The following ZNF224 variants were observed in gnomAD, a reference collection of about 807,000 sequenced individuals.
The protein encoded by ZNF224 is zinc finger protein 224.
Under a neutral mutation model 10.5 loss-of-function variants are expected in ZNF224, and 8 were observed. The ratio of observed to expected loss-of-function variants is 0.76; its 90% confidence interval spans 0.45 to 1.37. The LOEUF (loss-of-function observed/expected upper bound fraction) is 1.37, where lower values mean the gene tolerates loss of function less well. ZNF224 is among the 40% of genes most tolerant of loss of function. The pLI is 0.00. For missense variants in ZNF224, 754 were observed against 854.0 expected (o/e 0.88, Z 1.46); for synonymous variants, 282 against 287.8 (o/e 0.98, Z 0.20).
Position 44,097,821 on chromosome 19 carries a change from C to G in ZNF224, c.-53C>G, listed in dbSNP as rs1020012373. The stretch of plus-strand genomic sequence containing the variant: ...CACTTTGCAGGCACAATTCTGCTTT[C>G]CCAGGAACTGCATCACTCAGGACTC... On this transcript the variant is annotated 5_prime_UTR_variant, in exon 3 of 6. Transcript: ENST00000693561. The G allele has an allele frequency of 1.2e-6, 2 of 1,606,694 alleles. No homozygotes were observed. Among genetic ancestry groups the G allele is most frequent in the African/African-American group, 2.7e-5 (2 of 74,580 alleles).
chr19:44,104,972 T>C (rs1348268762), intron 5 of ZNF224, among the ~76,000 whole-genome samples: 1 of 152,226 alleles, frequency 6.6e-6, no homozygotes, highest in Admixed American at 6.5e-5. Flanking sequence ...GAGCCCTGGT[T>C]TTACAAGTAA....
intron 3 of ZNF224, among the ~76,000 whole-genome samples, chr19:44,098,854 C>T (rs1330254856): frequency 3.3e-5 from 5 of 152,248 alleles, no homozygotes; most frequent in African/African-American, 9.6e-5. Flanking sequence ...GCTGGAATTA[C>T]AGGCGTGAGC....
At position 44,107,238 on chromosome 19, in the gene ZNF224, T is replaced by C; in HGVS notation, c.1078T>C (p.Tyr360His). 6.3e-7 allele frequency: 1 copy of C among 1,597,634 alleles called. No homozygotes were observed. Among genetic ancestry groups the C allele is most frequent in the Non-Finnish European group, 8.5e-7 (1 of 1,171,290 alleles). ...GKGFICRRDL[Y>H]THHMVHTGEK... is the part of the protein sequence containing the mutation. ...AGGCTTTATTTGTAGGCGAGATCTTTATACGCATCATATGGTCCACACGGG... is the reference window on the plus strand; with the variant it reads ...AGGCTTTATTTGTAGGCGAGATCTTCATACGCATCATATGGTCCACACGGG... The change falls in exon 6 of 6, where the codon TAT becomes CAT. Residue 360 changes from tyrosine to histidine, a missense_variant. Coordinates refer to ENST00000693561, the MANE Select transcript of ZNF224 (RefSeq NM_001321645.3).
intron 2 of ZNF224, among the ~76,000 whole-genome samples, chr19:44,097,508 C>A (rs1047454562): frequency 1.3e-5 from 2 of 152,146 alleles, no homozygotes; most frequent in Admixed American, 6.5e-5. Flanking sequence ...AATATGTGGT[C>A]TTTTTTAACT....
chr19:44,103,402 T>G (rs1380450116), intron 5 of ZNF224, among the ~76,000 whole-genome samples: 1 of 152,216 alleles, frequency 6.6e-6, no homozygotes, highest in African/African-American at 2.4e-5. Context: ...TTGTCAACAT[T>G]TTTATGATTG....
In ZNF224 at chr19:44,107,091, A is replaced by G. The variant is rs1462910374; in HGVS notation, c.931A>G (p.Thr311Ala). The G allele has an allele frequency of 2.5e-6, 4 of 1,602,352 alleles. No homozygotes were observed. The South Asian group carries it at 3.4e-5, about 13-fold the overall frequency. Residue 311 changes from threonine (T) to alanine (A), a missense_variant, in exon 6 of 6, where the codon ACG (threonine) becomes GCG (alanine). Transcript: ENST00000693561. ...SRLNRHSMVH[T>A]AEKPFRCDTC... ...ACTTAATAGGCATTCCATGGTTCAC[A>G]CGGCAGAGAAACCATTCCGATGTGA...
At chr19:44,100,747 T>C in intron 3 of ZNF224, 54 bp from the exon 4 acceptor site, 1 of 1,549,834 alleles carries the variant, frequency 6.5e-7, no homozygotes, top group Non-Finnish European at 8.8e-7. Flanking sequence ...GTGCCACCCC[T>C]CTCCCAGGAA....
intron 5 of ZNF224, chr19:44,105,233 T>G (rs989688465): frequency 6.6e-6 from 1 of 152,224 alleles, no homozygotes; most frequent in Non-Finnish European, 1.5e-5. Context: ...CTCCTAGACA[T>G]TACCTCTCAG....
intron 3 of ZNF224, among the ~76,000 whole-genome samples, chr19:44,098,374 C>T (rs931969823): frequency 2.6e-5 from 4 of 152,168 alleles, no homozygotes; most frequent in South Asian, 4.1e-4. Context: ...ATGTGTGCCA[C>T]GTTGGCTGTT....
intron 1 of ZNF224, chr19:44,096,096 A>G (rs1967430989): frequency 6.6e-6 from 1 of 152,122 alleles, no homozygotes; most frequent in African/African-American, 2.4e-5. Flanking sequence ...TATGTGTTTA[A>G]CTATGGAAAT....
Position 44,096,188 on chromosome 19 carries a change from A to G in ZNF224, c.-157-155A>G, listed in dbSNP as rs754421030. 4.5e-4 allele frequency: 69 copies of G among 152,232 alleles called. 1 individual carries two copies. Among genetic ancestry groups the G allele is most frequent in the African/African-American group, 1.6e-3 (66 of 41,544 alleles). The allele number at this position is 152,232 out of a possible 1,614,324, so 9.4% of individuals were successfully genotyped here. A position where few individuals can be genotyped will look rare whatever the true frequency, so the allele number is the denominator to read the frequency against. On this transcript the variant is annotated intron_variant, in intron 1 of 5. Transcript: ENST00000693561. ...TCTCATTATTGTTATTATTTTTCCT[A>G]TGACTGTTTCCTAAAATTATAAAAC...
Position 44,108,002 on chromosome 19 carries a change from T to G in ZNF224, c.1842T>G (p.His614Gln). ...GCTGGTCCTCAACTCGTCTGACCCATCAGAGACGCCACAGCAGAGAAACAC... is the reference window on the plus strand; with the variant it reads ...GCTGGTCCTCAACTCGTCTGACCCAGCAGAGACGCCACAGCAGAGAAACAC... ...GFSWSSTRLTHQRRHSRETPL... is the reference protein window; with the variant it reads ...GFSWSSTRLTQQRRHSRETPL... The change falls in exon 6 of 6, where the codon CAT becomes CAG. Residue 614 changes from histidine to glutamine, a missense_variant. Transcript: ENST00000693561. The G allele has an allele frequency of 6.2e-7, 1 of 1,614,140 alleles. No homozygotes were observed. The highest frequency in any genetic ancestry group is 2.2e-5 in the East Asian group (1 of 44,856).
intron 3 of ZNF224, 34 bp from the exon 4 acceptor site, chr19:44,100,767 A>G (rs1967532656): frequency 1.9e-6 from 3 of 1,604,460 alleles, no homozygotes; most frequent in Middle Eastern, 3.3e-4. Flanking sequence ...ATCATTGGTC[A>G]TGAGACTGAG....
chr19:44,104,315 T>C (rs2147530121), intron 5 of ZNF224, among the ~76,000 whole-genome samples: 1 of 152,180 alleles, frequency 6.6e-6, no homozygotes, highest in East Asian at 1.9e-4. Context: ...TTGATATTAT[T>C]GTGAAGAGTT....
chr19:44,102,162 C>G (rs933969091), intron 5 of ZNF224, among the ~76,000 whole-genome samples: 1 of 152,208 alleles, frequency 6.6e-6, no homozygotes, highest in African/African-American at 2.4e-5. Flanking sequence ...ACTTGCTCAT[C>G]TCAGTCACTG....
In ZNF224 at chr19:44,094,440, A is replaced by C. The variant is rs969327952; in HGVS notation, c.-248A>C. On this transcript the variant is annotated 5_prime_UTR_variant, in exon 1 of 6. Transcript: ENST00000693561. ...AGTTTGGGGCAGTTCCGCGCGTTGC[A>C]GGCCCTTCTGAATTTCCTGGACCTA... is the stretch of plus-strand genomic sequence containing the variant. The C allele has an allele frequency of 1.3e-5, 2 of 152,232 alleles. No homozygotes were observed. The highest frequency in any genetic ancestry group is 2.9e-5 in the Non-Finnish European group (2 of 68,104). 9.4% of individuals were successfully genotyped at this position (152,232 alleles called of 1,614,324 possible).
chr19:44,097,614 T>G, intron 2 of ZNF224, 192 bp from the exon 3 acceptor site: 1 of 440,252 alleles, frequency 2.3e-6, no homozygotes, highest in East Asian at 3.6e-5. Context: ...AAGATTCCAT[T>G]GTATGGATAG....
intron 3 of ZNF224, 28 bp downstream of exon 3, chr19:44,097,916 T>G (rs370716071): frequency 1.9e-6 from 3 of 1,613,274 alleles, no homozygotes; most frequent in Non-Finnish European, 2.5e-6. Context: ...CTATTACTCT[T>G]AAAATTCCCT....
intron 3 of ZNF224, 103 bp downstream of exon 3, chr19:44,097,991 T>G: frequency 7.7e-7 from 1 of 1,301,418 alleles, no homozygotes. Context: ...AAAACAGACA[T>G]TTGAGGATCT....
Sources: gnomAD v4.1 joint callset for allele counts (sites outside exome capture counted in the v4.1 genomes callset) on GRCh38, gnomAD v4.1.1 for gene constraint, MANE v1.5 for transcripts, NCBI Gene and HGNC (gene_info 2026-07-23, HGNC 2026-07-21) for gene names.